The following CNTN5 variants were observed in gnomAD, a reference collection of about 807,000 sequenced individuals.
The protein encoded by CNTN5 is contactin-5.
CNTN5 carries 77 observed loss-of-function variants against 129.1 expected under a neutral mutation model. That is an observed-to-expected ratio of 0.60 (90% CI 0.50 to 0.72). CNTN5 has a LOEUF of 0.72. Ranked by LOEUF, CNTN5 falls within the 30% of genes least tolerant of loss-of-function variation. CNTN5 has a pLI of 0.00. For synonymous variants in CNTN5, 509 were observed against 465.6 expected, an observed-to-expected ratio of 1.09 and a Z score of -1.20; for missense variants, 1,478 against 1,328.8, an observed-to-expected ratio of 1.11 and a Z score of -1.75.
At chr11:99,486,410 A>G (rs1198090765) in intron 2 of CNTN5, among the ~76,000 whole-genome samples, 1 of 152,156 alleles carries the variant, frequency 6.6e-6, no homozygotes, top group East Asian at 1.9e-4. Flanking sequence ...CATAGTGCAT[A>G]ACAAATAATG....
At position 99,845,175 on chromosome 11, in the gene CNTN5, G is replaced by A. The variant is rs1565597694; in HGVS notation, c.490G>A (p.Glu164Lys). Residue 164 changes from glutamate to lysine, a missense_variant, in exon 6 of 25, where the codon GAA becomes AAA. Coordinates refer to ENST00000524871, the MANE Select transcript of CNTN5 (RefSeq NM_014361.4). ...CACCTTCATTATAAGCAATCCAAGT[G>A]AAGCAAAGGATTCTGGTCATTATCA... ...DGTFIISNPS[E>K]AKDSGHYQCL... 1 of 1,613,644 alleles carries A rather than the reference G, an allele frequency of 6.2e-7. No homozygotes were observed. Among genetic ancestry groups the A allele is most frequent in the East Asian group, 2.2e-5 (1 of 44,818 alleles).
At chr11:99,516,112 G>A (rs1285883302) in intron 2 of CNTN5, among the ~76,000 whole-genome samples, 2 of 134,328 alleles carry the variant, frequency 1.5e-5, no homozygotes, top group Non-Finnish European at 3.2e-5. Context: ...ATAAGTAACA[G>A]AATAAAGAGA....
At chr11:99,212,415 T>C (rs1314660197) in intron 1 of CNTN5, among the ~76,000 whole-genome samples, 1 of 152,192 alleles carries the variant, frequency 6.6e-6, no homozygotes, top group African/African-American at 2.4e-5. Context: ...ATAAGTCTTT[T>C]GACTATTTCC....
chr11:99,305,727 T>A (rs1864843316), intron 1 of CNTN5, among the ~76,000 whole-genome samples: 1 of 152,118 alleles, frequency 6.6e-6, no homozygotes, highest in South Asian at 2.1e-4. Context: ...ACACCTGTAA[T>A]CCCAACACTT....
chr11:99,115,053 C>T (rs192403488), intron 1 of CNTN5, among the ~76,000 whole-genome samples: 11 of 152,194 alleles, frequency 7.2e-5, no homozygotes, highest in African/African-American at 2.6e-4. Context: ...TCTTTTTAAC[C>T]AGAAAGCAGT....
chr11:99,314,567 T>G (rs1015065445), intron 1 of CNTN5, among the ~76,000 whole-genome samples: 1 of 152,114 alleles, frequency 6.6e-6, no homozygotes, highest in Non-Finnish European at 1.5e-5. Flanking sequence ...CATCTTTCTA[T>G]GGAGCAGGTG....
In CNTN5 at chr11:99,684,084, A is replaced by G. The variant is rs986529280; in HGVS notation, c.55+127815A>G. ...TGAAATTTTGTTTCCTCTACTCAACATATTCCCATGCCCCAACCCCCGTCT... is the reference window on the plus strand; with the variant it reads ...TGAAATTTTGTTTCCTCTACTCAACGTATTCCCATGCCCCAACCCCCGTCT... On this transcript the variant is annotated intron_variant, in intron 3 of 24. Transcript: ENST00000524871. Among the ~76,000 whole-genome samples, 72 of 151,720 alleles carry G rather than the reference A, an allele frequency of 4.7e-4. 3 individuals are homozygous for G. The highest frequency in any genetic ancestry group is 2.0e-4 in the Admixed American group (3 of 15,202).
intron 2 of CNTN5, among the ~76,000 whole-genome samples, chr11:99,337,602 TAAAC>T (rs1866287052): frequency 6.6e-6 from 1 of 152,178 alleles, no homozygotes; most frequent in African/African-American, 2.4e-5. Context: ...CTCATTCCCG[TAAAC>T]CCACAACCTT....
chr11:99,164,366 G>A (rs1300931447), intron 1 of CNTN5, among the ~76,000 whole-genome samples: 3 of 148,286 alleles, frequency 2.0e-5, no homozygotes, highest in Non-Finnish European at 4.5e-5. Context: ...AAAATGGTCA[G>A]GTGAGAAGTA....
chr11:99,954,073 C>G (rs1428356584), intron 7 of CNTN5, among the ~76,000 whole-genome samples: 1 of 152,006 alleles, frequency 6.6e-6, no homozygotes, highest in Admixed American at 6.6e-5. Context: ...GCCGGTTTTC[C>G]CAACACCATT....
chr11:99,692,654 G>A (rs1369441746), intron 3 of CNTN5, among the ~76,000 whole-genome samples: 1 of 151,444 alleles, frequency 6.6e-6, no homozygotes, highest in African/African-American at 2.4e-5. Flanking sequence ...TTTCTCTCTG[G>A]CATCCCTCAA....
At chr11:99,699,879 A>G (rs1011976999) in intron 3 of CNTN5, among the ~76,000 whole-genome samples, 2 of 151,492 alleles carry the variant, frequency 1.3e-5, no homozygotes, top group Non-Finnish European at 3.0e-5. Flanking sequence ...ACCTCACAGC[A>G]TTTCACAATT....
intron 3 of CNTN5, among the ~76,000 whole-genome samples, chr11:99,646,135 T>C (rs1269052229): frequency 1.3e-5 from 2 of 152,144 alleles, no homozygotes; most frequent in African/African-American, 2.4e-5. Context: ...GCTGGAGTTA[T>C]TTGCAGTCGA....
intron 8 of CNTN5, among the ~76,000 whole-genome samples, chr11:99,964,205 G>A (rs1295359339): frequency 6.6e-6 from 1 of 152,116 alleles, no homozygotes; most frequent in African/African-American, 2.4e-5. Flanking sequence ...ATGTTGAATA[G>A]GAGTGGTGAG....
chr11:100,014,930 A>G (rs1298056473), intron 9 of CNTN5, among the ~76,000 whole-genome samples: 1 of 152,162 alleles, frequency 6.6e-6, no homozygotes, highest in African/African-American at 2.4e-5. Flanking sequence ...ATCAGCCTAC[A>G]TAAGGAGTTT....
At chr11:99,715,510 A>G (rs1463617899) in intron 3 of CNTN5, among the ~76,000 whole-genome samples, 2 of 151,726 alleles carry the variant, frequency 1.3e-5, no homozygotes, top group East Asian at 3.9e-4. Context: ...TGCCAGGGGA[A>G]TGAGAGGAAG....
At position 99,785,052 on chromosome 11, in the gene CNTN5, GCCTGCCTCCA is replaced by G. The variant is rs1292629270; in HGVS notation, c.56-34484_56-34475del. Reference sequence around the variant, plus strand: ...CTGACCTCGTGATCCGCCTGCCTCCGCCTGCCTCCACCTGCCTATGCCTCCCAAAGTGCTG... The same window carrying G: ...CTGACCTCGTGATCCGCCTGCCTCCGCCTGCCTATGCCTCCCAAAGTGCTG... On this transcript the variant is annotated intron_variant, in intron 3 of 24. Coordinates refer to ENST00000524871, the MANE Select transcript of CNTN5 (RefSeq NM_014361.4). Among the ~76,000 whole-genome samples the G allele has an allele frequency of 2.6e-5, 4 of 151,104 alleles. No individual in the cohort carries two copies. The South Asian group carries it at 6.3e-4, about 24-fold the overall frequency.
intron 6 of CNTN5, among the ~76,000 whole-genome samples, chr11:99,858,206 G>T (rs1448901039): frequency 6.6e-6 from 1 of 151,994 alleles, no homozygotes; most frequent in Non-Finnish European, 1.5e-5. Context: ...ATTTTCAAAG[G>T]ATCACATCTG....
intron 1 of CNTN5, among the ~76,000 whole-genome samples, chr11:99,047,336 T>C (rs971234690): frequency 6.7e-6 from 1 of 149,636 alleles, no homozygotes; most frequent in African/African-American, 2.5e-5. Context: ...AAATTATCAG[T>C]ATTGAGAAAT....
Sources: allele counts gnomAD v4.1 joint callset (sites outside exome capture counted in the v4.1 genomes callset), GRCh38; gene constraint gnomAD v4.1.1; transcripts MANE v1.5; gene names NCBI Gene and HGNC (gene_info 2026-07-23, HGNC 2026-07-21).